TAFA1: variants seen among roughly 807,000 people sequenced by gnomAD.
The protein encoded by TAFA1 is chemokine-like protein TAFA-1.
Under a neutral mutation model 18.5 loss-of-function variants are expected in TAFA1, and 4 were observed. That is an observed-to-expected ratio of 0.22 (90% confidence interval 0.11 to 0.49). TAFA1 has a LOEUF of 0.49. Ranked by LOEUF, TAFA1 falls within the 20% of genes least tolerant of loss-of-function variation. The pLI is 0.98. For missense variants in TAFA1, 147 were observed against 169.0 expected, an observed-to-expected ratio of 0.87 and a Z score of 0.72; for synonymous variants, 56 against 55.2, an observed-to-expected ratio of 1.01 and a Z score of -0.06.
chr3:68,396,637 A>T (rs919631799), intron 2 of TAFA1, among the ~76,000 whole-genome samples: 1 of 152,192 alleles, frequency 6.6e-6, no homozygotes, highest in Non-Finnish European at 1.5e-5. Flanking sequence ...GTTACTTTCA[A>T]TTTGGGACTA....
At chr3:68,083,586 C>G (rs73834819) in intron 2 of TAFA1, among the ~76,000 whole-genome samples, 8,522 of 152,226 alleles carry the variant, frequency 0.056, 402 homozygotes, top group African/African-American at 0.13. Flanking sequence ...CCTATGGGCT[C>G]TCTTGACAAC....
At position 68,374,582 on chromosome 3, in the gene TAFA1, A is replaced by G. The variant is rs79402262; in HGVS notation, c.119-42698A>G. ...AAATTGGCTCTTTGAGTACTCTACA[A>G]TTCAGCATGTCTTGATGCACAAAAT... On this transcript the variant is annotated intron_variant, in intron 2 of 4. Transcript: ENST00000478136. Among the ~76,000 whole-genome samples the G allele has an allele frequency of 5.5e-3, 831 of 152,310 alleles. 43 individuals are homozygous for G. In the East Asian group the frequency reaches 0.11, roughly 20 times the overall value.
chr3:68,501,365 C>A (rs1277307583), intron 3 of TAFA1, among the ~76,000 whole-genome samples: 1 of 151,884 alleles, frequency 6.6e-6, no homozygotes, highest in Non-Finnish European at 1.5e-5. Context: ...AATTTGTCAT[C>A]TCAAATCCTT....
chr3:68,295,394 G>T (rs570967040), intron 2 of TAFA1, among the ~76,000 whole-genome samples: 1 of 150,830 alleles, frequency 6.6e-6, no homozygotes, highest in African/African-American at 2.4e-5. Flanking sequence ...TTGACTCTAA[G>T]TTCTAAGACC....
At chr3:68,537,526 T>C (rs1449610678) in intron 3 of TAFA1, among the ~76,000 whole-genome samples, 2 of 152,132 alleles carry the variant, frequency 1.3e-5, no homozygotes, top group East Asian at 1.9e-4. Flanking sequence ...AGAAAATAGC[T>C]GGTAAATATT....
intron 2 of TAFA1, among the ~76,000 whole-genome samples, chr3:68,283,348 A>G (rs2067935259): frequency 6.6e-6 from 1 of 152,232 alleles, no homozygotes; most frequent in South Asian, 2.1e-4. Flanking sequence ...AAGCTTCAGT[A>G]TGCATATGTA....
At chr3:68,141,353 G>A (rs952761799) in intron 2 of TAFA1, among the ~76,000 whole-genome samples, 1 of 152,080 alleles carries the variant, frequency 6.6e-6, no homozygotes, top group African/African-American at 2.4e-5. Context: ...TCCAGGCCTT[G>A]TTCACCTCAA....
At chr3:68,528,060 G>A (rs1220330457) in intron 3 of TAFA1, among the ~76,000 whole-genome samples, 6 of 152,078 alleles carry the variant, frequency 3.9e-5, no homozygotes, top group African/African-American at 7.2e-5. Context: ...AAAAATGATC[G>A]TATGCATTTC....
chr3:68,402,215 T>A lies in TAFA1; in HGVS notation c.119-15065T>A, dbSNP rs534221235. ...CCTCCACCCCGAAGCTCACCTTGAATGCACCGGTGCTCATTGATTCATGCA... is the reference window on the plus strand; with the variant it reads ...CCTCCACCCCGAAGCTCACCTTGAAAGCACCGGTGCTCATTGATTCATGCA... On this transcript the variant is annotated intron_variant, in intron 2 of 4. Coordinates refer to ENST00000478136, the MANE Select transcript of TAFA1 (RefSeq NM_213609.4). Among the ~76,000 whole-genome samples the A allele has an allele frequency of 1.7e-3, 262 of 152,244 alleles. 1 individual carries two copies. Among genetic ancestry groups the A allele is most frequent in the Non-Finnish European group, 3.1e-3 (209 of 68,012 alleles).
the TAFA1 span, among the ~76,000 whole-genome samples, chr3:67,997,352 C>A: frequency 6.6e-6 from 1 of 152,092 alleles, no homozygotes; most frequent in Non-Finnish European, 1.5e-5. Context: ...GGTGAAGTTA[C>A]ATAGAATCCA....
chr3:68,543,430 C>G (rs1019393742), intron 4 of TAFA1, among the ~76,000 whole-genome samples: 5 of 152,102 alleles, frequency 3.3e-5, no homozygotes, highest in African/African-American at 1.2e-4. Context: ...GAATGTCTCT[C>G]AGACTAGTGA....
intron 2 of TAFA1, among the ~76,000 whole-genome samples, chr3:68,287,375 C>T (rs2068028557): frequency 6.6e-6 from 1 of 152,182 alleles, no homozygotes; most frequent in Admixed American, 6.5e-5. Context: ...AGCTGTTCTG[C>T]TCTGACCTTT....
intron 2 of TAFA1, among the ~76,000 whole-genome samples, chr3:68,083,775 G>C (rs1315841708): frequency 1.3e-5 from 2 of 152,112 alleles, no homozygotes; most frequent in African/African-American, 4.8e-5. Context: ...TTACCAACTA[G>C]CTGACATTCA....
At chr3:68,303,791 A>G (rs914299200) in intron 2 of TAFA1, among the ~76,000 whole-genome samples, 41 of 152,284 alleles carry the variant, frequency 2.7e-4, no homozygotes, top group Admixed American at 9.8e-4. Context: ...ACAAAGAGGC[A>G]AATTTATTAA....
intron 2 of TAFA1, among the ~76,000 whole-genome samples, chr3:68,332,828 C>A (rs2068905568): frequency 6.6e-6 from 1 of 152,064 alleles, no homozygotes; most frequent in African/African-American, 2.4e-5. Flanking sequence ...ATTGGTAGAG[C>A]CATTATGGAA....
intron 2 of TAFA1, among the ~76,000 whole-genome samples, chr3:68,070,889 T>C (rs1368822871): frequency 2.0e-5 from 3 of 152,242 alleles, no homozygotes; most frequent in Non-Finnish European, 2.9e-5. Flanking sequence ...TGATAACACC[T>C]TGGTCAGGAT....
chr3:68,042,125 T>C (rs1705177159), intron 2 of TAFA1, among the ~76,000 whole-genome samples: 1 of 152,200 alleles, frequency 6.6e-6, no homozygotes, highest in Admixed American at 6.6e-5. Flanking sequence ...CCATTCTTCA[T>C]AGACTCCTCA....
intron 2 of TAFA1, among the ~76,000 whole-genome samples, chr3:68,197,256 A>C (rs759002117): frequency 2.0e-5 from 3 of 151,834 alleles, no homozygotes; most frequent in Non-Finnish European, 4.4e-5. Context: ...GCCCGTAAAC[A>C]GAACATTTAT....
chr3:68,468,383 G>A (rs1333039878), intron 3 of TAFA1, among the ~76,000 whole-genome samples: 2 of 152,196 alleles, frequency 1.3e-5, no homozygotes, highest in Non-Finnish European at 2.9e-5. Context: ...GTGTGCCTCT[G>A]AGAGTATACA....
Sources: gnomAD v4.1 joint callset for allele counts (sites outside exome capture counted in the v4.1 genomes callset) on GRCh38, gnomAD v4.1.1 for gene constraint, MANE v1.5 for transcripts, NCBI Gene and HGNC (gene_info 2026-07-23, HGNC 2026-07-21) for gene names.